The following G3BP2 variants were observed in gnomAD, a reference collection of about 807,000 sequenced individuals.
G3BP2 encodes the protein ras GTPase-activating protein-binding protein 2.
A neutral mutation model predicts 56.7 loss-of-function variants in G3BP2; 11 were observed. The ratio of observed to expected loss-of-function variants is 0.19; its 90% CI spans 0.12 to 0.32. G3BP2 has a LOEUF of 0.32. Among genes scored for constraint, G3BP2 ranks in the 10% least tolerant of loss-of-function variants. The pLI is 1.00. For synonymous variants in G3BP2, 165 were observed against 191.6 expected, an observed-to-expected ratio of 0.86 and a Z score of 1.15; for missense variants, 340 against 610.9, an observed-to-expected ratio of 0.56 and a Z score of 4.67.
At chr4:75,648,356 ACAAAC>A (rs1408868586) in intron 9 of G3BP2, among the ~76,000 whole-genome samples, 1 of 134,726 alleles carries the variant, frequency 7.4e-6, no homozygotes. Flanking sequence ...CAAAAAAAAA[ACAAAC>A]AAACAAAAAA....
At chr4:75,653,602 A>AAC (rs1731872238) in intron 8 of G3BP2, among the ~76,000 whole-genome samples, 1 of 150,504 alleles carries the variant, frequency 6.6e-6, no homozygotes, top group Non-Finnish European at 1.5e-5. Context: ...AAAAAAAAAA[A>AAC]AAAACAAAAA....
rs1730999602 is a variant in G3BP2 at position 75,643,334 on chromosome 4, A to T, written c.*2096T>A. The stretch of plus-strand genomic sequence containing the variant: ...ATATATATGGAAACAGAAATACAAG[A>T]AAATATGCTTGGGGGAAAAAAAACA... On this transcript the variant is annotated 3_prime_UTR_variant, in exon 12 of 12. Coordinates refer to ENST00000359707, the MANE Select transcript of G3BP2 (RefSeq NM_203505.3). 1 of 109,410 alleles carries T rather than the reference A, an allele frequency of 9.1e-6. No individual in the cohort carries two copies. Among genetic ancestry groups the T allele is most frequent in the African/African-American group, 3.8e-5 (1 of 26,368 alleles). The allele number at this position is 109,410 out of a possible 1,614,324, so 6.8% of individuals were successfully genotyped here.
intron 3 of G3BP2, among the ~76,000 whole-genome samples, chr4:75,680,776 C>T (rs1278548836): frequency 1.3e-5 from 2 of 151,784 alleles, no homozygotes; most frequent in Non-Finnish European, 2.9e-5. Context: ...ACCATCCTGG[C>T]CAACATGGTG....
In G3BP2 at chr4:75,646,543, C is replaced by T. The variant is rs192567173; in HGVS notation, c.1058-87G>A. On this transcript the variant is annotated intron_variant, in intron 10 of 11. Coordinates refer to ENST00000359707, the MANE Select transcript of G3BP2 (RefSeq NM_203505.3). ...AATTGTTCAGGATGAATATCGTTATCTCCCCGATCCATTTTAAAATAAAAC... is the reference window on the plus strand; with the variant it reads ...AATTGTTCAGGATGAATATCGTTATTTCCCCGATCCATTTTAAAATAAAAC... The T allele has an allele frequency of 2.7e-5, 22 of 828,712 alleles. No individual in the cohort carries two copies. The East Asian group carries it at 5.2e-4, about 20-fold the overall frequency. 51.3% of individuals were successfully genotyped at this position (828,712 alleles called of 1,614,324 possible).
Position 75,703,244 on chromosome 4 carries a change from G to A in G3BP2, c.-25+17633C>T, listed in dbSNP as rs568075035. On this transcript the variant is annotated intron_variant, in intron 3 of 3. Transcript: ENST00000499709. ...ACAAATGATCAAACACGAGTGTGGT[G>A]CAAGGTTCAGATAGCAAAAGCAGAT... Among the ~76,000 whole-genome samples, 6 of 152,234 alleles carry A rather than the reference G, an allele frequency of 3.9e-5. No homozygotes were observed. The East Asian group carries it at 9.6e-4, about 24-fold the overall frequency.
At chr4:75,648,539 T>C (rs1018403946) in intron 9 of G3BP2, 100 bp downstream of exon 9, 2 of 588,756 alleles carry the variant, frequency 3.4e-6, no homozygotes, top group African/African-American at 1.8e-5. Context: ...TGAGACTATA[T>C]GGGTCTGTGT....
intron 1 of G3BP2, among the ~76,000 whole-genome samples, chr4:75,666,217 C>T (rs1350386823): frequency 2.6e-5 from 4 of 152,134 alleles, no homozygotes; most frequent in Non-Finnish European, 4.4e-5. Context: ...CAATTTAGAA[C>T]AGAGAGACAG....
At chr4:75,661,642 A>ATCTC in intron 2 of G3BP2, 1 of 210,214 alleles carries the variant, frequency 4.8e-6, no homozygotes, top group South Asian at 7.9e-5. Context: ...TGAGTGACAG[A>ATCTC]GGAGACCATG....
At chr4:75,690,714 G>C (rs962684093) in intron 3 of G3BP2, among the ~76,000 whole-genome samples, 2 of 152,190 alleles carry the variant, frequency 1.3e-5, no homozygotes, top group East Asian at 3.9e-4. Flanking sequence ...TGGGACCACA[G>C]GTATGCACCA....
At position 75,655,169 on chromosome 4, in the gene G3BP2, T is replaced by A; in HGVS notation, c.623A>T (p.Glu208Val). The change falls in exon 7 of 12, where the codon GAG becomes GTG. Residue 208 changes from glutamate (E) to valine (V), a missense_variant. Physicochemically the swap from Glu to Val is moderately radical, Grantham distance 121. Coordinates refer to ENST00000359707, the MANE Select transcript of G3BP2 (RefSeq NM_203505.3). ...CTTCTCCTCCACTTGTGGTTTCAGCTCTTCAGTCTTTGTTTCAGATTCTGG... is the reference window on the plus strand; with the variant it reads ...CTTCTCCTCCACTTGTGGTTTCAGCACTTCAGTCTTTGTTTCAGATTCTGG... ...PEPESETKTE[E>V]LKPQVEEKNL... 1 of 1,613,590 alleles carries A rather than the reference T, an allele frequency of 6.2e-7. No individual in the cohort carries two copies. Among genetic ancestry groups the A allele is most frequent in the Non-Finnish European group, 8.5e-7 (1 of 1,179,504 alleles).
chr4:75,718,009 C>A lies in G3BP2; in HGVS notation c.-25+2868G>T, dbSNP rs193174583. ...CAAAAATTAGCTGGGTGTGCTGGCACGCACCTATAATCCCAGCTACTTGGG... is the reference window on the plus strand; with the variant it reads ...CAAAAATTAGCTGGGTGTGCTGGCAAGCACCTATAATCCCAGCTACTTGGG... On this transcript the variant is annotated intron_variant, in intron 3 of 3. Transcript: ENST00000499709. Among the ~76,000 whole-genome samples, 193 of 152,012 alleles carry A rather than the reference C, an allele frequency of 1.3e-3. 1 individual carries two copies. Among genetic ancestry groups the A allele is most frequent in the Middle Eastern group, 0.01 (3 of 294 alleles).
intron 3 of G3BP2, among the ~76,000 whole-genome samples, chr4:75,680,824 G>A (rs1347740162): frequency 1.3e-5 from 2 of 151,886 alleles, no homozygotes; most frequent in African/African-American, 2.4e-5. Context: ...AATTAGCTGG[G>A]TGTGGTGGTG....
intron 3 of G3BP2, among the ~76,000 whole-genome samples, chr4:75,692,030 C>G (rs572355664): frequency 2.6e-5 from 4 of 152,304 alleles, no homozygotes; most frequent in Non-Finnish European, 5.9e-5. Flanking sequence ...TCAAGTATGA[C>G]TTTGAGACAT....
intron 3 of G3BP2, among the ~76,000 whole-genome samples, chr4:75,718,864 C>T (rs1340561377): frequency 6.6e-6 from 1 of 151,826 alleles, no homozygotes; most frequent in Non-Finnish European, 1.5e-5. Context: ...CATCTTGCCC[C>T]GCATGGAGCT....
intron 3 of G3BP2, among the ~76,000 whole-genome samples, chr4:75,682,184 A>G (rs1734101625): frequency 6.6e-6 from 1 of 152,178 alleles, no homozygotes; most frequent in Non-Finnish European, 1.5e-5. Context: ...TGGGAGGCCG[A>G]GGCAGGCGGA....
intron 1 of G3BP2, among the ~76,000 whole-genome samples, chr4:75,668,448 G>C (rs1333977771): frequency 1.3e-5 from 2 of 152,208 alleles, no homozygotes; most frequent in Non-Finnish European, 2.9e-5. Flanking sequence ...TCTAAAATGA[G>C]TTGATTGCTA....
rs559798266 is a variant in G3BP2, at chr4:75,712,032, T to A, written c.-25+8845A>T. 1.8e-4 allele frequency among the ~76,000 whole-genome samples: 27 copies of A among 152,338 alleles called. No individual in the cohort carries two copies. In the South Asian group the frequency reaches 5.2e-3, roughly 29 times the overall value. The stretch of plus-strand genomic sequence containing the variant: ...CCCTTCCATCAAAATACAACTACTG[T>A]TAGCAGATTTTGAATGTCCTCAACA... On this transcript the variant is annotated intron_variant, in intron 3 of 3. Transcript: ENST00000499709.
At chr4:75,659,120 T>C (rs927213550) in intron 2 of G3BP2, among the ~76,000 whole-genome samples, 196 bp from the exon 3 acceptor site, 4 of 152,200 alleles carry the variant, frequency 2.6e-5, no homozygotes, top group South Asian at 2.1e-4. Flanking sequence ...CTCCATATGG[T>C]TGTTGTAAGG....
chr4:75,699,849 A>C (rs1719269380), intron 3 of G3BP2, among the ~76,000 whole-genome samples: 1 of 152,200 alleles, frequency 6.6e-6, no homozygotes, highest in Non-Finnish European at 1.5e-5. Flanking sequence ...ACATGCTCAT[A>C]AAGAATGTAG....
Sources: gnomAD v4.1 joint callset for allele counts (sites outside exome capture counted in the v4.1 genomes callset) on GRCh38, gnomAD v4.1.1 for gene constraint, MANE v1.5 for transcripts, NCBI Gene and HGNC (gene_info 2026-07-23, HGNC 2026-07-21) for gene names.